Variants in FURIN observed in about 807,000 individuals in gnomAD.
The protein encoded by FURIN is FES upstream region.
A neutral mutation model predicts 89.2 loss-of-function variants in FURIN; 18 were observed. The observed-to-expected ratio is 0.20, with a 90% CI of 0.14 to 0.30. The LOEUF is 0.30. Ranked by LOEUF, FURIN falls within the 10% of genes least tolerant of loss-of-function variation. The pLI, the probability that FURIN is intolerant of heterozygous loss-of-function variation, is 1.00. For missense variants in FURIN, 879 were observed against 1,100.5 expected (o/e 0.80, Z 2.85); for synonymous variants, 508 against 466.4 (o/e 1.09, Z -1.15).
At chr15:90,878,652 A>T in intron 8 of FURIN, 112 bp from the exon 9 acceptor site, 2 of 653,354 alleles carry the variant, frequency 3.1e-6, no homozygotes, top group Non-Finnish European at 5.4e-6. Context: ...CACAGGGGAC[A>T]GGAGGTTCCC....
chr15:90,876,020 A>G lies in FURIN; in HGVS notation c.177+103A>G. 9.4e-7 allele frequency: 1 copy of G among 1,058,482 alleles called. No individual in the cohort carries two copies. Among genetic ancestry groups the G allele is most frequent in the East Asian group, 2.6e-5 (1 of 38,916 alleles). The allele number at this position is 1,058,482 out of a possible 1,614,324, so 65.6% of individuals were successfully genotyped here. A position where few individuals can be genotyped will look rare whatever the true frequency, so the allele number is the denominator to read the frequency against. The stretch of plus-strand genomic sequence containing the variant: ...CTTGTTTGCTCAGGGGCATCTGGGT[A>G]GCCGGCATGTTCTGGGTGGCCATGA... On this transcript the variant is annotated intron_variant, in intron 2 of 15. Transcript: ENST00000268171. This position sits in a 1 kb window ranked among gnomAD's most constrained non-coding sequence, Gnocchi z 5.0.
Position 90,875,844 on chromosome 15 carries a change from C to G in FURIN, c.104C>G (p.Ala35Gly). 1 of 1,579,724 alleles carries G rather than the reference C, an allele frequency of 6.3e-7. No homozygotes were observed. The highest frequency in any genetic ancestry group is 8.6e-7 in the Non-Finnish European group (1 of 1,163,134). ...QGQKVFTNTWAVRIPGGPAVA... is the reference protein window; with the variant it reads ...QGQKVFTNTWGVRIPGGPAVA... ...CAGAAGGTCTTCACCAACACGTGGG[C>G]TGTGCGCATCCCTGGAGGCCCAGCG... Residue 35 changes from alanine (A) to glycine (G), a missense_variant, in exon 2 of 16, where the codon GCT becomes GGT. By Grantham distance (60) the Ala-to-Gly change is moderately conservative (BLOSUM62 0). Transcript: ENST00000268171.
chr15:90,879,512 A>G lies in FURIN; in HGVS notation c.1122A>G (p.Ala374=). ...HTGTSASAPL[A]AGIIALTLEA... ...GCACCTCAGCCTCTGCCCCCTTAGC[A>G]GCCGGCATCATTGCTCTCACCCTGG... is the stretch of plus-strand genomic sequence containing the variant. Residue 374 remains alanine, a synonymous_variant, in exon 10 of 16, where the codon GCA becomes GCG. Transcript: ENST00000268171. The G allele has an allele frequency of 6.2e-7, 1 of 1,613,394 alleles. No individual in the cohort carries two copies. Among genetic ancestry groups the G allele is most frequent in the Non-Finnish European group, 8.5e-7 (1 of 1,179,574 alleles).
In FURIN at chr15:90,881,684, A is replaced by G. The variant is rs760866774; in HGVS notation, c.2191A>G (p.Thr731Ala). The G allele has an allele frequency of 1.9e-6, 3 of 1,587,494 alleles. No individual in the cohort carries two copies. The highest frequency in any genetic ancestry group is 2.6e-6 in the Non-Finnish European group (3 of 1,164,780). ...SCAFIVLVFV[T>A]VFLVLQLRSG... ...CGCCTTCATCGTGCTGGTCTTCGTC[A>G]CTGTCTTCCTGGTCCTGCAGCTGCG... Residue 731 changes from threonine to alanine, a missense_variant, in exon 16 of 16, where the codon ACT (threonine) becomes GCT (alanine). Around this residue, in one of 5 missense-constraint regions of FURIN, gnomAD observed 457 missense variants for 490.7 expected, o/e 0.93. Transcript: ENST00000268171. This position sits in a 1 kb window ranked among gnomAD's most constrained non-coding sequence, Gnocchi z 4.3.
At chr15:90,870,969 C>G (rs980618632) in intron 1 of FURIN, among the ~76,000 whole-genome samples, 2 of 152,194 alleles carry the variant, frequency 1.3e-5, no homozygotes, top group South Asian at 4.1e-4. Context: ...GAAAAAAAAG[C>G]TAAAAATATT....
intron 1 of FURIN, among the ~76,000 whole-genome samples, chr15:90,873,638 G>A (rs528846641): frequency 1.3e-5 from 2 of 152,202 alleles, no homozygotes; most frequent in East Asian, 1.9e-4. Flanking sequence ...CTTGGGGTGG[G>A]GGGGGCGGTC....
At position 90,878,283 on chromosome 15, in the gene FURIN, C is replaced by G; in HGVS notation, c.819C>G (p.Ala273=). The change falls in exon 8 of 16, where the codon GCC becomes GCG. Residue 273 remains alanine (A), a synonymous_variant. Transcript: ENST00000268171. ...VDGPARLAEE[A]FFRGVSQGRG... ...GGCCAGCCCGCCTCGCCGAGGAGGC[C>G]TTCTTCCGTGGGGTTAGCCAGGTGA... 6.2e-7 allele frequency: 1 copy of G among 1,602,384 alleles called. No homozygotes were observed. Among genetic ancestry groups the G allele is most frequent in the Non-Finnish European group, 8.5e-7 (1 of 1,172,872 alleles).
chr15:90,876,833 A>T lies in FURIN; in HGVS notation c.373-63A>T. ...TTTACGGGGGCAAAGGGATTCTTCA[A>T]GATGCTCCTAGCCTCACAAAACCAA... On this transcript the variant is annotated intron_variant, in intron 4 of 15. Coordinates refer to ENST00000268171, the MANE Select transcript of FURIN (RefSeq NM_002569.4). This position sits in a 1 kb window ranked among gnomAD's most constrained non-coding sequence, Gnocchi z 5.0. The T allele has an allele frequency of 6.4e-7, 1 of 1,573,776 alleles. No individual in the cohort carries two copies. Among genetic ancestry groups the T allele is most frequent in the Non-Finnish European group, 8.7e-7 (1 of 1,147,456 alleles).
chr15:90,870,678 C>A (rs1282284698), intron 1 of FURIN, among the ~76,000 whole-genome samples: 3 of 152,188 alleles, frequency 2.0e-5, no homozygotes, highest in African/African-American at 7.2e-5. Context: ...GTAGCACAAA[C>A]GTTTTCTAGG....
Position 90,876,553 on chromosome 15 carries a change from A to T in FURIN, c.368A>T (p.Tyr123Phe), listed in dbSNP as rs1455630843. 1.2e-6 allele frequency: 2 copies of T among 1,605,736 alleles called. No homozygotes were observed. Among genetic ancestry groups the T allele is most frequent in the Admixed American group, 3.3e-5 (2 of 60,004 alleles). ...GACCCCAAGTTTCCTCAGCAGTGGT[A>T]CCTGGTACGTGGCCTTCTTCGCTGC... ...PTDPKFPQQW[Y>F]LSGVTQRDLN... Residue 123 changes from tyrosine (Y) to phenylalanine (F), a missense_variant, in exon 4 of 16, where the codon TAC (tyrosine) becomes TTC (phenylalanine). Physicochemically the swap from Tyr to Phe is conservative, Grantham distance 22 (BLOSUM62 3). Transcript: ENST00000268171. This position sits in a 1 kb window ranked among gnomAD's most constrained non-coding sequence, Gnocchi z 5.0.
In FURIN at chr15:90,879,854, C is replaced by T. The variant is rs371927456; in HGVS notation, c.1259-13C>T. ...GTGCCTGACAGCTGACCCTACCTTC[C>T]CTGTCCCCACAGTGAGCCACTCATA... On this transcript the variant is annotated splice_polypyrimidine_tract_variant and intron_variant, in intron 11 of 15. Coordinates refer to ENST00000268171, the MANE Select transcript of FURIN (RefSeq NM_002569.4). 1.5e-5 allele frequency: 24 copies of T among 1,611,198 alleles called. No homozygotes were observed. The highest frequency in any genetic ancestry group is 1.9e-5 in the Non-Finnish European group (22 of 1,177,876).
At chr15:90,877,061 G>A in intron 5 of FURIN, 37 bp downstream of exon 5, 1 of 1,613,644 alleles carries the variant, frequency 6.2e-7, no homozygotes, top group Admixed American at 1.7e-5. Context: ...GATCCCTGCT[G>A]AGGTGTGTCT....
intron 8 of FURIN, 143 bp downstream of exon 8, chr15:90,878,447 A>T: frequency 1.3e-6 from 1 of 770,496 alleles, no homozygotes; most frequent in Non-Finnish European, 2.0e-6. Context: ...GGACAGAAGA[A>T]GAGTAGAGTG....
chr15:90,881,520 C>T lies in FURIN; in HGVS notation c.2027C>T (p.Ser676Phe), dbSNP rs1349272893. ...TTGGACCCTGTGGAGCAGACTTGCT[C>T]CCGGCAAAGCCAGAGCAGCCGAGAG... ...ASLDPVEQTC[S>F]RQSQSSRESP... The change falls in exon 16 of 16, where the codon TCC (serine) becomes TTC (phenylalanine). Residue 676 changes from serine (S) to phenylalanine (F), a missense_variant. Physicochemically the swap from Ser to Phe is radical, Grantham distance 155. Around this residue, in one of 5 missense-constraint regions of FURIN, gnomAD observed 457 missense variants for 490.7 expected, o/e 0.93. Transcript: ENST00000268171. This position sits in a 1 kb window ranked among gnomAD's most constrained non-coding sequence, Gnocchi z 4.3. The T allele has an allele frequency of 1.2e-6, 2 of 1,611,540 alleles. No homozygotes were observed. Among genetic ancestry groups the T allele is most frequent in the African/African-American group, 2.7e-5 (2 of 74,916 alleles).
chr15:90,875,634 A>G lies in FURIN; in HGVS notation c.-107A>G, dbSNP rs1047174537. 1.3e-5 allele frequency: 13 copies of G among 998,750 alleles called. No homozygotes were observed. In the South Asian group the frequency reaches 1.7e-4, roughly 13 times the overall value. 61.9% of individuals were successfully genotyped at this position (998,750 alleles called of 1,614,324 possible). On this transcript the variant is annotated 5_prime_UTR_variant, in exon 2 of 16. Coordinates refer to ENST00000268171, the MANE Select transcript of FURIN (RefSeq NM_002569.4). ...CTGCCCGTCTCGGCCCCATGCCCCCACCAGTCAGCCCCGGGCCACAGGCAG... is the reference window on the plus strand; with the variant it reads ...CTGCCCGTCTCGGCCCCATGCCCCCGCCAGTCAGCCCCGGGCCACAGGCAG...
rs751290576 is a variant in FURIN at position 90,875,909 on chromosome 15, C to T, written c.169C>T (p.Leu57=). 1.9e-6 allele frequency: 3 copies of T among 1,583,558 alleles called. No individual in the cohort carries two copies. The highest frequency in any genetic ancestry group is 2.3e-5 in the East Asian group (1 of 44,094). ...GGCACGGAAGCATGGGTTCCTCAAC[C>T]TGGGCCAGGTAGGTGTTCCCCCACA... ...SVARKHGFLN[L]GQIFGDYYHF... The change falls in exon 2 of 16, where the codon CTG becomes TTG. Residue 57 remains leucine, a synonymous_variant. Transcript: ENST00000268171.
intron 7 of FURIN, 48 bp from the exon 8 acceptor site, chr15:90,878,084 A>C: frequency 6.3e-7 from 1 of 1,594,776 alleles, no homozygotes; most frequent in Non-Finnish European, 8.6e-7. Context: ...GGGCCCTGAC[A>C]GCTGGACCCA....
Position 90,876,237 on chromosome 15 carries a change from C to G in FURIN, c.178-18C>G, listed in dbSNP as rs767370177. ...TGACAGATGGAAAGCCCAGCTCAGT[C>G]TCCCTGCTCTATTGCAGATCTTCGG... On this transcript the variant is annotated intron_variant, in intron 2 of 15. Coordinates refer to ENST00000268171, the MANE Select transcript of FURIN (RefSeq NM_002569.4). This position sits in a 1 kb window ranked among gnomAD's most constrained non-coding sequence, Gnocchi z 5.0. The G allele has an allele frequency of 6.5e-7, 1 of 1,530,036 alleles. No individual in the cohort carries two copies. The highest frequency in any genetic ancestry group is 2.2e-5 in the East Asian group (1 of 44,498). The allele number at this position is 1,530,036 out of a possible 1,614,324, so 94.8% of individuals were successfully genotyped here.
At position 90,876,112 on chromosome 15, in the gene FURIN, T is replaced by C; in HGVS notation, c.178-143T>C. ...GAGTGAGTCCTCATGGTCCCCGCAT[T>C]TTGCTGGGTCCCGGACAGGGAGCAG... On this transcript the variant is annotated intron_variant, in intron 2 of 15. Transcript: ENST00000268171. This position sits in a 1 kb window ranked among gnomAD's most constrained non-coding sequence, Gnocchi z 5.0. The C allele has an allele frequency of 1.3e-6, 1 of 775,612 alleles. No homozygotes were observed. Among genetic ancestry groups the C allele is most frequent in the South Asian group, 1.6e-5 (1 of 64,332 alleles). The allele number at this position is 775,612 out of a possible 1,614,324, so 48.0% of individuals were successfully genotyped here.
Sources: allele counts gnomAD v4.1 joint callset (sites outside exome capture counted in the v4.1 genomes callset), GRCh38; gene constraint gnomAD v4.1.1; regional missense constraint gnomAD v4.1.1; non-coding constraint Gnocchi (gnomAD v3.1); transcripts MANE v1.5; gene names NCBI Gene and HGNC (gene_info 2026-07-23, HGNC 2026-07-21).